Variants in XPR1 observed in about 807,000 individuals in gnomAD.
The protein encoded by XPR1 is xenotropic and polytropic retrovirus receptor 1.
XPR1 carries 28 observed loss-of-function variants against 87.5 expected under a neutral mutation model. That is an observed-to-expected ratio of 0.32 (90% CI 0.24 to 0.44). XPR1 has a LOEUF of 0.44. Among genes scored for constraint, XPR1 ranks in the 20% least tolerant of loss-of-function variants. The pLI is 1.00. For missense variants in XPR1, 559 were observed against 862.3 expected (o/e 0.65, Z 4.41); for synonymous variants, 300 against 306.1 (o/e 0.98, Z 0.21).
At chr1:180,678,415 A>G (rs187286618) in intron 1 of XPR1, among the ~76,000 whole-genome samples, 48 of 152,316 alleles carry the variant, frequency 3.2e-4, no homozygotes, top group African/African-American at 9.6e-4. Context: ...TCTCATTAGT[A>G]TATAAAAGAC....
At chr1:180,679,439 A>G (rs1403742424) in intron 1 of XPR1, among the ~76,000 whole-genome samples, 1 of 152,188 alleles carries the variant, frequency 6.6e-6, no homozygotes, top group Non-Finnish European at 1.5e-5. Flanking sequence ...AGCAGCCCCC[A>G]CAGCAAAAAA....
At chr1:180,880,766 C>A (rs1302667727) in intron 14 of XPR1, among the ~76,000 whole-genome samples, 1 of 152,160 alleles carries the variant, frequency 6.6e-6, no homozygotes, top group Non-Finnish European at 1.5e-5. Context: ...GAACTTGGAC[C>A]AGTTCCCTCA....
rs1317187382 is a variant in XPR1, at chr1:180,890,208, T to G, written c.*6142T>G. Reference sequence around the variant, plus strand: ...GAAAATAAGTGATTGGTCACTAAACTCTGTCCTTTTTTCATTATTACAATT... The same window carrying G: ...GAAAATAAGTGATTGGTCACTAAACGCTGTCCTTTTTTCATTATTACAATT... On this transcript the variant is annotated 3_prime_UTR_variant, in exon 15 of 15. Coordinates refer to ENST00000367590, the MANE Select transcript of XPR1 (RefSeq NM_004736.4). 1 of 152,224 alleles carries G rather than the reference T, an allele frequency of 6.6e-6. No individual in the cohort carries two copies. Among genetic ancestry groups the G allele is most frequent in the African/African-American group, 2.4e-5 (1 of 41,450 alleles). 9.4% of individuals were successfully genotyped at this position (152,224 alleles called of 1,614,324 possible).
rs1055298695 is a variant in XPR1 at position 180,764,346 on chromosome 1, A to G, written c.122-23407A>G. 2.6e-5 allele frequency among the ~76,000 whole-genome samples: 4 copies of G among 152,168 alleles called. No individual in the cohort carries two copies. The South Asian group carries it at 8.3e-4, about 32-fold the overall frequency. On this transcript the variant is annotated intron_variant, in intron 2 of 14. Transcript: ENST00000367590. ...AAGATACCTCATTATATATATGCAA[A>G]TATTCCAAAATCCAAAAAAATTCCA... is the stretch of plus-strand genomic sequence containing the variant.
At chr1:180,807,557 C>T (rs1571856740) in intron 6 of XPR1, among the ~76,000 whole-genome samples, 1 of 152,142 alleles carries the variant, frequency 6.6e-6, no homozygotes, top group Admixed American at 6.6e-5. Flanking sequence ...AAATTAAAGA[C>T]TTGGATGAGA....
In XPR1 at chr1:180,787,763, G is replaced by T; in HGVS notation, c.132G>T (p.Glu44Asp). The T allele has an allele frequency of 6.2e-7, 1 of 1,608,632 alleles. No homozygotes were observed. The highest frequency in any genetic ancestry group is 8.5e-7 in the Non-Finnish European group (1 of 1,177,792). Residue 44 changes from glutamate to aspartate, a missense_variant, in exon 3 of 15, where the codon GAG becomes GAT. This residue lies in a region of XPR1 where 159 missense variants were observed against 263.3 expected (regional missense o/e 0.60). Transcript: ENST00000367590. ...TTTCCTGTCTTTCAGTTACAGATGAGGACACAGTAAAGAGGTATTTTGCCA... is the reference window on the plus strand; with the variant it reads ...TTTCCTGTCTTTCAGTTACAGATGATGACACAGTAAAGAGGTATTTTGCCA... ...DQAPSVEVTD[E>D]DTVKRYFAKF...
At chr1:180,875,412 G>A (rs1032428484) in intron 13 of XPR1, among the ~76,000 whole-genome samples, 2 of 151,670 alleles carry the variant, frequency 1.3e-5, no homozygotes, top group African/African-American at 2.4e-5. Flanking sequence ...AGGAGGCTGA[G>A]GTGTAAGGGT....
chr1:180,674,088 A>ATG (rs1656284801), intron 1 of XPR1, among the ~76,000 whole-genome samples: 2 of 152,364 alleles, frequency 1.3e-5, no homozygotes, highest in Admixed American at 1.3e-4. Flanking sequence ...AGTGTTATGC[A>ATG]TGTATGATCA....
chr1:180,749,087 G>T (rs61530504), intron 2 of XPR1, among the ~76,000 whole-genome samples: 6,551 of 152,244 alleles, frequency 0.043, 503 homozygotes, highest in African/African-American at 0.15. Context: ...TCTAGTCCCA[G>T]TTACTCAAGA....
chr1:180,829,791 TTC>T (rs1403613301), intron 9 of XPR1, among the ~76,000 whole-genome samples: 2 of 152,174 alleles, frequency 1.3e-5, no homozygotes, highest in South Asian at 4.1e-4. Context: ...TTTTTTCATT[TTC>T]TCTTTTTGTA....
intron 7 of XPR1, among the ~76,000 whole-genome samples, chr1:180,816,906 C>T (rs10914110): frequency 0.025 from 3,729 of 152,166 alleles, 160 homozygotes; most frequent in African/African-American, 0.084. Flanking sequence ...GCAGGTCCTT[C>T]GGGAGGTGTT....
Position 180,806,045 on chromosome 1 carries a change from C to G in XPR1, c.448-17C>G. 1 of 1,608,294 alleles carries G rather than the reference C, an allele frequency of 6.2e-7. No individual in the cohort carries two copies. Among genetic ancestry groups the G allele is most frequent in the Non-Finnish European group, 8.5e-7 (1 of 1,176,536 alleles). On this transcript the variant is annotated splice_polypyrimidine_tract_variant and intron_variant, in intron 4 of 14. Transcript: ENST00000367590. ...GGTAGTAGAAATTATAGTTGTGTTT[C>G]TCATTTCTTTCTGTAGAATCTGAAT...
intron 1 of XPR1, among the ~76,000 whole-genome samples, chr1:180,670,672 C>G (rs1656138868): frequency 6.6e-6 from 1 of 152,182 alleles, no homozygotes; most frequent in Non-Finnish European, 1.5e-5. Flanking sequence ...GCTTTTATAA[C>G]TGCCCATATA....
chr1:180,634,374 A>G (rs1654695023), intron 1 of XPR1, among the ~76,000 whole-genome samples: 1 of 152,174 alleles, frequency 6.6e-6, no homozygotes. Context: ...TTTCTTTGTA[A>G]GTTGGAATCA....
chr1:180,842,613 G>A (rs1448365577), intron 11 of XPR1, among the ~76,000 whole-genome samples: 2 of 152,150 alleles, frequency 1.3e-5, no homozygotes, highest in African/African-American at 4.8e-5. Context: ...TGTTTTGTTG[G>A]AATTGGGATT....
At chr1:180,635,894 T>C (rs974019950) in intron 1 of XPR1, among the ~76,000 whole-genome samples, 1 of 152,218 alleles carries the variant, frequency 6.6e-6, no homozygotes, top group Non-Finnish European at 1.5e-5. Context: ...TTAAATGGTT[T>C]TATTATGTTT....
chr1:180,714,761 TTTGAG>T (rs1277282827), intron 2 of XPR1, among the ~76,000 whole-genome samples: 1 of 151,988 alleles, frequency 6.6e-6, no homozygotes, highest in Non-Finnish European at 1.5e-5. Flanking sequence ...TCCTTCTTTC[TTTGAG>T]TTAATTTCCT....
At chr1:180,742,856 T>G (rs933782479) in intron 2 of XPR1, among the ~76,000 whole-genome samples, 2 of 152,148 alleles carry the variant, frequency 1.3e-5, no homozygotes, top group Admixed American at 6.5e-5. Flanking sequence ...TGATTTTTTT[T>G]GATGAATTGA....
chr1:180,704,773 C>T (rs1174515316), intron 2 of XPR1, among the ~76,000 whole-genome samples: 2 of 144,786 alleles, frequency 1.4e-5, no homozygotes. Flanking sequence ...TATTTCCAGC[C>T]TGGGACCTCC....
Sources: allele counts gnomAD v4.1 joint callset (sites outside exome capture counted in the v4.1 genomes callset), GRCh38; gene constraint gnomAD v4.1.1; regional missense constraint gnomAD v4.1.1; transcripts MANE v1.5; gene names NCBI Gene and HGNC (gene_info 2026-07-23, HGNC 2026-07-21).